Variants in DAOA observed in about 807,000 individuals in gnomAD.
DAOA encodes the protein D-amino acid oxidase activator.
In DAOA, 15 loss-of-function variants were observed where a neutral mutation model predicts 16.4. The observed-to-expected ratio is 0.91, with a 90% CI of 0.61 to 1.41. The LOEUF is 1.41. DAOA is among the 40% of genes most tolerant of loss of function. The pLI is 0.00. For synonymous variants in DAOA, 75 were observed against 59.1 expected, an observed-to-expected ratio of 1.27 and a Z score of -1.23; for missense variants, 230 against 176.8, an observed-to-expected ratio of 1.30 and a Z score of -1.71.
intron 4 of DAOA, among the ~76,000 whole-genome samples, chr13:105,483,142 G>A (rs1877867263): frequency 6.6e-6 from 1 of 152,038 alleles, no homozygotes; most frequent in Non-Finnish European, 1.5e-5. Context: ...GGATGGCACA[G>A]TGTTTGCTCT....
intron 4 of DAOA, among the ~76,000 whole-genome samples, chr13:105,479,867 G>A (rs144326767): frequency 2.6e-4 from 39 of 152,158 alleles, no homozygotes; most frequent in Non-Finnish European, 4.4e-4. Flanking sequence ...TAGAAGAAGG[G>A]GCATAGGACA....
intron 4 of DAOA, among the ~76,000 whole-genome samples, chr13:105,484,165 C>T (rs971115021): frequency 1.3e-5 from 2 of 152,050 alleles, no homozygotes; most frequent in South Asian, 2.1e-4. Context: ...TGCCCCTTGG[C>T]CAAAATCAGT....
chr13:105,490,883 T>A (rs72549500), intron 5 of DAOA, 29 bp from the exon 6 acceptor site: 1 of 152,100 alleles, frequency 6.6e-6, no homozygotes, highest in Non-Finnish European at 1.5e-5. Context: ...AAAAGTTTTC[T>A]TATTATTGTT....
At chr13:105,476,736 G>A (rs1020605482) in intron 4 of DAOA, among the ~76,000 whole-genome samples, 1 of 151,698 alleles carries the variant, frequency 6.6e-6, no homozygotes, top group Non-Finnish European at 1.5e-5. Flanking sequence ...TATACCCAAG[G>A]CATATGATTG....
chr13:105,474,508 C>G (rs769248294), intron 4 of DAOA, among the ~76,000 whole-genome samples: 2 of 152,048 alleles, frequency 1.3e-5, no homozygotes, highest in Non-Finnish European at 2.9e-5. Flanking sequence ...AATGTTCTAT[C>G]AACTTGCATT....
intron 2 of DAOA, 161 bp downstream of exon 2, chr13:105,466,493 C>G (rs1876526551): frequency 8.5e-7 from 1 of 1,177,360 alleles, no homozygotes; most frequent in African/African-American, 1.5e-5. Context: ...TACTTTCTCC[C>G]ATATTCTGTC....
At chr13:105,471,013 C>T (rs1038904283) in intron 3 of DAOA, among the ~76,000 whole-genome samples, 1 of 152,122 alleles carries the variant, frequency 6.6e-6, no homozygotes, top group Non-Finnish European at 1.5e-5. Flanking sequence ...TGGTCTTGAT[C>T]TCCTGACCTT....
chr13:105,470,990 G>A (rs1441834846), intron 3 of DAOA, among the ~76,000 whole-genome samples: 3 of 152,016 alleles, frequency 2.0e-5, no homozygotes, highest in South Asian at 2.1e-4. Context: ...GGGTTTCATC[G>A]TGTTAGCCAT....
At chr13:105,469,319 C>T (rs1876763041) in intron 3 of DAOA, among the ~76,000 whole-genome samples, 1 of 152,150 alleles carries the variant, frequency 6.6e-6, no homozygotes, top group Admixed American at 6.5e-5. Flanking sequence ...CAAATTTTTC[C>T]TGTATTAAAA....
intron 4 of DAOA, among the ~76,000 whole-genome samples, chr13:105,485,154 G>A (rs1204704207): frequency 6.6e-6 from 1 of 152,106 alleles, no homozygotes; most frequent in Non-Finnish European, 1.5e-5. Flanking sequence ...TTATCTACTT[G>A]CATAGCTTTG....
chr13:105,478,351 A>G (rs750287895), intron 4 of DAOA, among the ~76,000 whole-genome samples: 39 of 152,306 alleles, frequency 2.6e-4, no homozygotes, highest in Non-Finnish European at 2.1e-4. Flanking sequence ...TACGCATTCA[A>G]TAGTCAATTG....
At chr13:105,471,005 G>T (rs61100125) in intron 3 of DAOA, among the ~76,000 whole-genome samples, 2 of 152,074 alleles carry the variant, frequency 1.3e-5, no homozygotes, top group African/African-American at 4.8e-5. Context: ...AGCCATGATG[G>T]TCTTGATCTC....
intron 4 of DAOA, among the ~76,000 whole-genome samples, chr13:105,481,460 A>C (rs779053122): frequency 1.3e-5 from 2 of 152,156 alleles, no homozygotes; most frequent in Non-Finnish European, 2.9e-5. Flanking sequence ...CCACTCTCTG[A>C]AGTGGCTATT....
intron 4 of DAOA, among the ~76,000 whole-genome samples, chr13:105,474,310 C>T (rs1032348768): frequency 1.3e-5 from 2 of 151,896 alleles, no homozygotes; most frequent in Non-Finnish European, 2.9e-5. Flanking sequence ...AAACATCTTT[C>T]AAAAGATTTT....
chr13:105,486,374 A>G lies in DAOA; in HGVS notation c.282-3527A>G, dbSNP rs180894166. On this transcript the variant is annotated intron_variant, in intron 4 of 5. Transcript: ENST00000375936. ...CCTGCTTCATTTGGTTAACATCTGTATATTCTTCAGATGCCACTGCCTCAG... is the reference window on the plus strand; with the variant it reads ...CCTGCTTCATTTGGTTAACATCTGTGTATTCTTCAGATGCCACTGCCTCAG... Among the ~76,000 whole-genome samples the G allele has an allele frequency of 1.6e-4, 24 of 152,052 alleles. No individual in the cohort carries two copies. The East Asian group carries it at 1.7e-3, about 11-fold the overall frequency.
intron 3 of DAOA, among the ~76,000 whole-genome samples, chr13:105,469,645 C>T (rs1237632462): frequency 1.3e-5 from 2 of 152,160 alleles, no homozygotes; most frequent in South Asian, 2.1e-4. Flanking sequence ...TTCCAATTAT[C>T]GTTTCCCTAC....
intron 4 of DAOA, among the ~76,000 whole-genome samples, chr13:105,484,300 G>C (rs1448324968): frequency 1.3e-5 from 2 of 151,902 alleles, no homozygotes; most frequent in Admixed American, 6.6e-5. Flanking sequence ...TTAGAAAAGT[G>C]TTACAGCTGT....
At chr13:105,466,104 C>T in intron 1 of DAOA, 44 bp downstream of exon 1, 6 of 809,558 alleles carry the variant, frequency 7.4e-6, no homozygotes, top group Non-Finnish European at 1.1e-5. Flanking sequence ...GCAAGTTTAT[C>T]AGCTCCTGCA....
Position 105,467,068 on chromosome 13 carries a change from G to A in DAOA, c.60G>A (p.Leu20=), listed in dbSNP as rs751465119. The change falls in exon 3 of 6, where the codon TTG becomes TTA. Residue 20 remains leucine (L), a synonymous_variant. Transcript: ENST00000375936. ...TAATTTTTAGATCCAGATATACATT[G>A]GGTAAAATCTACTTCATAGGTTTTC... is the stretch of plus-strand genomic sequence containing the variant. ...SLQLFRSRYT[L]GKIYFIGFQR... 1 of 1,610,432 alleles carries A rather than the reference G, an allele frequency of 6.2e-7. No individual in the cohort carries two copies. The highest frequency in any genetic ancestry group is 1.1e-5 in the South Asian group (1 of 90,676).
Sources: gnomAD v4.1 joint callset for allele counts (sites outside exome capture counted in the v4.1 genomes callset) on GRCh38, gnomAD v4.1.1 for gene constraint, MANE v1.5 for transcripts, NCBI Gene and HGNC (gene_info 2026-07-23, HGNC 2026-07-21) for gene names.